Variants in SSBP2 observed in about 807,000 individuals in gnomAD.
SSBP2 encodes single-stranded DNA-binding protein 2.
In SSBP2, 17 loss-of-function variants were observed where a neutral mutation model predicts 61.8. The observed-to-expected ratio is 0.28, with a 90% confidence interval of 0.19 to 0.41. SSBP2 has a LOEUF of 0.41. Ranked by LOEUF, SSBP2 falls within the 10% of genes least tolerant of loss-of-function variation. The pLI is 1.00. For synonymous variants in SSBP2, 139 were observed against 141.3 expected (o/e 0.98, Z 0.12); for missense variants, 310 against 458.7 (o/e 0.68, Z 2.96).
chr5:81,420,398 T>G lies in SSBP2; in HGVS notation c.*106A>C. On this transcript the variant is annotated 3_prime_UTR_variant, in exon 17 of 17. Transcript: ENST00000320672. ...AATAAAAAGGTTGGTTTGGTGTGAC[T>G]GAGATTCCTTTGTTTAACTGTACAC... 8 of 1,145,352 alleles carry G rather than the reference T, an allele frequency of 7.0e-6. No homozygotes were observed. Among genetic ancestry groups the G allele is most frequent in the Non-Finnish European group, 1.0e-5 (8 of 765,718 alleles). The allele number at this position is 1,145,352 out of a possible 1,614,324, so 70.9% of individuals were successfully genotyped here. A position where few individuals can be genotyped will look rare whatever the true frequency, so the allele number is the denominator to read the frequency against.
intron 2 of SSBP2, among the ~76,000 whole-genome samples, chr5:81,649,079 C>A (rs931392098): frequency 6.6e-6 from 1 of 151,900 alleles, no homozygotes; most frequent in Admixed American, 6.6e-5. Flanking sequence ...GAGGAAAAAC[C>A]AAAAGCACTG....
At chr5:81,712,911 A>G (rs1427712519) in intron 1 of SSBP2, among the ~76,000 whole-genome samples, 1 of 151,416 alleles carries the variant, frequency 6.6e-6, no homozygotes, top group African/African-American at 2.4e-5. Context: ...ATTTTTTTGT[A>G]GAGACGGAGT....
At chr5:81,543,249 C>T (rs1228021935) in intron 4 of SSBP2, among the ~76,000 whole-genome samples, 3 of 152,100 alleles carry the variant, frequency 2.0e-5, no homozygotes, top group African/African-American at 4.8e-5. Flanking sequence ...CCCAGCCATG[C>T]GGAACTGTAA....
chr5:81,723,092 G>C (rs1581421779), intron 1 of SSBP2, among the ~76,000 whole-genome samples: 1 of 151,894 alleles, frequency 6.6e-6, no homozygotes, highest in Non-Finnish European at 1.5e-5. Flanking sequence ...AGAAGTTTTT[G>C]AAAGTAAATT....
At chr5:81,539,374 T>C (rs1346662338) in intron 4 of SSBP2, among the ~76,000 whole-genome samples, 1 of 152,206 alleles carries the variant, frequency 6.6e-6, no homozygotes, top group Admixed American at 6.5e-5. Context: ...TTTCTTGAGA[T>C]AGAATCTACT....
chr5:81,713,345 C>G (rs1290518220), intron 1 of SSBP2, among the ~76,000 whole-genome samples: 1 of 151,634 alleles, frequency 6.6e-6, no homozygotes, highest in East Asian at 1.9e-4. Context: ...CTCCCCAACC[C>G]CAGCAAAAGA....
Position 81,736,312 on chromosome 5 carries a change from C to T in SSBP2, c.62+14669G>A, listed in dbSNP as rs1462050312. On this transcript the variant is annotated intron_variant, in intron 1 of 16. Coordinates refer to ENST00000320672, the MANE Select transcript of SSBP2 (RefSeq NM_012446.5). Reference sequence around the variant, plus strand: ...GCTTTTCTGGCAGGGTTTACCTTGCCCACTGCCTTATACAGTGCCTGGCAC... The same window carrying T: ...GCTTTTCTGGCAGGGTTTACCTTGCTCACTGCCTTATACAGTGCCTGGCAC... 2.0e-5 allele frequency among the ~76,000 whole-genome samples: 3 copies of T among 152,022 alleles called. No homozygotes were observed. The South Asian group carries it at 6.2e-4, about 32-fold the overall frequency.
At chr5:81,595,395 C>G (rs184224755) in intron 4 of SSBP2, among the ~76,000 whole-genome samples, 18 of 152,222 alleles carry the variant, frequency 1.2e-4, no homozygotes, top group African/African-American at 4.3e-4. Flanking sequence ...GATTCACAGC[C>G]GAGTTCTACC....
At chr5:81,586,688 G>C (rs979197262) in intron 4 of SSBP2, among the ~76,000 whole-genome samples, 2 of 150,440 alleles carry the variant, frequency 1.3e-5, no homozygotes, top group Non-Finnish European at 1.5e-5. Context: ...AAAAGACCTT[G>C]CATGCAAGGC....
Position 81,549,290 on chromosome 5 carries a change from C to T in SSBP2, c.283-35573G>A, listed in dbSNP as rs77219891. ...TCTTTCTCTTCATCAATCAATCTCT[C>T]GCCTTGCTCTGACAATGTTGCATCA... On this transcript the variant is annotated intron_variant, in intron 4 of 16. Coordinates refer to ENST00000320672, the MANE Select transcript of SSBP2 (RefSeq NM_012446.5). 8.8e-3 allele frequency among the ~76,000 whole-genome samples: 1,337 copies of T among 152,258 alleles called. 30 individuals are homozygous for T. The highest frequency in any genetic ancestry group is 0.031 in the African/African-American group (1,274 of 41,534).
intron 4 of SSBP2, among the ~76,000 whole-genome samples, chr5:81,561,833 T>G (rs1364742670): frequency 6.6e-6 from 1 of 152,166 alleles, no homozygotes; most frequent in Non-Finnish European, 1.5e-5. Flanking sequence ...ACTAAAGCAA[T>G]GTCACAACTT....
intron 4 of SSBP2, among the ~76,000 whole-genome samples, chr5:81,568,641 C>T (rs952686032): frequency 6.6e-6 from 1 of 152,168 alleles, no homozygotes; most frequent in African/African-American, 2.4e-5. Context: ...ACGTAGCTGT[C>T]ATTGTACAAA....
chr5:81,461,095 C>A lies in SSBP2; in HGVS notation c.647G>T (p.Gly216Val). The change falls in exon 10 of 17, where the codon GGT (glycine) becomes GTT (valine). Residue 216 changes from glycine to valine, a missense_variant. Transcript: ENST00000320672. ...TGGGTTTGGCCAAGGTCTACCACCA[C>A]CTGGACCCCTACAAAACAATTTGAT... 6.3e-7 allele frequency: 1 copy of A among 1,588,910 alleles called. No individual in the cohort carries two copies. The highest frequency in any genetic ancestry group is 1.7e-5 in the Admixed American group (1 of 58,038).
chr5:81,748,863 T>C (rs182529197), intron 1 of SSBP2, among the ~76,000 whole-genome samples: 4 of 152,044 alleles, frequency 2.6e-5, no homozygotes, highest in Admixed American at 6.5e-5. Context: ...ACCACAGTTA[T>C]GCAAGTTCCA....
chr5:81,545,091 T>G (rs746799695), intron 4 of SSBP2, among the ~76,000 whole-genome samples: 68 of 152,356 alleles, frequency 4.5e-4, no homozygotes, highest in Non-Finnish European at 8.5e-4. Context: ...GGTGGCCAGC[T>G]TTAACAATTA....
At chr5:81,595,130 T>C (rs1373153556) in intron 4 of SSBP2, among the ~76,000 whole-genome samples, 1 of 152,056 alleles carries the variant, frequency 6.6e-6, no homozygotes, top group African/African-American at 2.4e-5. Context: ...AAGAATCAAA[T>C]AGACGCAATA....
At chr5:81,482,420 AAC>A (rs1766061644) in intron 6 of SSBP2, among the ~76,000 whole-genome samples, 1 of 152,174 alleles carries the variant, frequency 6.6e-6, no homozygotes, top group Admixed American at 6.5e-5. Context: ...ATCTTCTTCC[AAC>A]AGTTTAGTGT....
chr5:81,522,036 C>T lies in SSBP2; in HGVS notation c.283-8319G>A, dbSNP rs77105054. ...AATTTGACTAAGTGACCCTTCTTTT[C>T]CGAAACTATCCAAATATAAATTCTG... On this transcript the variant is annotated intron_variant, in intron 4 of 16. Coordinates refer to ENST00000320672, the MANE Select transcript of SSBP2 (RefSeq NM_012446.5). Among the ~76,000 whole-genome samples, 921 of 152,024 alleles carry T rather than the reference C, an allele frequency of 6.1e-3. 13 individuals carry two copies. The highest frequency in any genetic ancestry group is 6.2e-3 in the Non-Finnish European group (419 of 67,878).
At chr5:81,743,777 C>T (rs1373758099) in intron 1 of SSBP2, among the ~76,000 whole-genome samples, 1 of 152,140 alleles carries the variant, frequency 6.6e-6, no homozygotes, top group Non-Finnish European at 1.5e-5. Context: ...AAACCCTGTC[C>T]TTCCTCCTGC....
Sources: allele counts gnomAD v4.1 joint callset (sites outside exome capture counted in the v4.1 genomes callset), GRCh38; gene constraint gnomAD v4.1.1; transcripts MANE v1.5; gene names NCBI Gene and HGNC (gene_info 2026-07-23, HGNC 2026-07-21).